VIPR2: variants seen among roughly 807,000 people sequenced by gnomAD.
The protein encoded by VIPR2 is vasoactive intestinal peptide receptor 2.
VIPR2 carries 48 observed loss-of-function variants against 58.0 expected under a neutral mutation model. The observed-to-expected ratio is 0.83, with a 90% CI of 0.66 to 1.05. The LOEUF (loss-of-function observed/expected upper bound fraction) is 1.05. VIPR2 is among the 50% of genes least tolerant of loss of function. The probability of loss-of-function intolerance (pLI) is 0.00; values close to 1 mark genes in which losing one functional copy is unlikely to be tolerated. For missense variants in VIPR2, 534 were observed against 558.0 expected, an observed-to-expected ratio of 0.96 and a Z score of 0.43; for synonymous variants, 243 against 235.2, an observed-to-expected ratio of 1.03 and a Z score of -0.30.
rs2129492677 is a variant in VIPR2 at position 159,031,065 on chromosome 7, C to T, written c.1144-276G>A. 6.6e-6 allele frequency among the ~76,000 whole-genome samples: 1 copy of T among 152,322 alleles called. No individual in the cohort carries two copies. Among genetic ancestry groups the T allele is most frequent in the South Asian group, 2.1e-4 (1 of 4,826 alleles). ...GCCGCGGTAAGCGCAGTCCCACAGT[C>T]TCAGATAGTTAATATTTCTCTGAAA... On this transcript the variant is annotated intron_variant, in intron 12 of 12. Transcript: ENST00000262178. The surrounding 1 kb of genome is among the most constrained non-coding windows in gnomAD (Gnocchi z 4.0).
chr7:159,103,959 AC>A, intron 3 of VIPR2, 105 bp from the exon 4 acceptor site: 1 of 943,880 alleles, frequency 1.1e-6, no homozygotes, highest in Non-Finnish European at 1.6e-6. Context: ...TGCTTCCCAC[AC>A]CCAGGGGTCA....
intron 2 of VIPR2, among the ~76,000 whole-genome samples, chr7:159,111,307 A>C (rs1204269830): frequency 6.6e-6 from 1 of 152,202 alleles, no homozygotes; most frequent in Non-Finnish European, 1.5e-5. Flanking sequence ...TCTCCTATAA[A>C]ACAGCAAGCT....
Position 159,135,027 on chromosome 7 carries a change from TTTTA to T in VIPR2, c.151+7415_151+7418del, listed in dbSNP as rs1318668205. On this transcript the variant is annotated intron_variant, in intron 2 of 12. Transcript: ENST00000262178. ...AAGTTTTTTTTTTTTTTTTTTTTTT[TTTTA>T]ACATTTTAAGTAATTGGCCTAGAAA... Among the ~76,000 whole-genome samples the T allele has an allele frequency of 2.8e-3, 276 of 99,322 alleles. 15 individuals carry two copies. The highest frequency in any genetic ancestry group is 0.02 in the South Asian group (66 of 3,290). 65.2% of individuals were successfully genotyped at this position (99,322 alleles called of 152,430 possible).
intron 5 of VIPR2, 64 bp downstream of exon 5, chr7:159,058,417 A>G (rs1855447284): frequency 6.9e-7 from 1 of 1,446,110 alleles, no homozygotes; most frequent in South Asian, 1.1e-5. Flanking sequence ...GGCGCCTAGA[A>G]GGCCTAAATG....
chr7:159,036,765 G>C lies in VIPR2; in HGVS notation c.735C>G (p.Leu245=). The change falls in exon 7 of 13, where the codon CTC becomes CTG. Residue 245 remains leucine (L), a synonymous_variant. Coordinates refer to ENST00000262178, the MANE Select transcript of VIPR2 (RefSeq NM_003382.5). ...LPPRRCFLAY[L]LIGWGLPTVC... is the part of the protein sequence containing the mutation. Reference sequence around the variant, plus strand: ...GGGCACACTTACCCCATCCGATCAGGAGGTAGGCCAGGAAGCACCTTCTAG... The same window carrying C: ...GGGCACACTTACCCCATCCGATCAGCAGGTAGGCCAGGAAGCACCTTCTAG... 2 of 1,613,502 alleles carry C rather than the reference G, an allele frequency of 1.2e-6. No individual in the cohort carries two copies. Among genetic ancestry groups the C allele is most frequent in the Non-Finnish European group, 1.7e-6 (2 of 1,179,784 alleles).
At chr7:159,065,705 C>G (rs1311420137) in intron 4 of VIPR2, among the ~76,000 whole-genome samples, 2 of 152,182 alleles carry the variant, frequency 1.3e-5, no homozygotes, top group South Asian at 4.1e-4. Context: ...GCACAGGAAA[C>G]GAGAAGACAT....
intron 3 of VIPR2, among the ~76,000 whole-genome samples, chr7:159,105,664 A>G (rs1858602427): frequency 6.6e-6 from 1 of 151,922 alleles, no homozygotes; most frequent in Non-Finnish European, 1.5e-5. Flanking sequence ...CAAGGCCCAC[A>G]CCTCACACAG....
At chr7:159,140,470 A>G (rs1325678390) in intron 2 of VIPR2, among the ~76,000 whole-genome samples, 1 of 152,214 alleles carries the variant, frequency 6.6e-6, no homozygotes. Flanking sequence ...GGCCAGGCTG[A>G]GGCCCCGGCA....
At position 159,030,461 on chromosome 7, in the gene VIPR2, A is replaced by G; in HGVS notation, c.*155T>C. On this transcript the variant is annotated 3_prime_UTR_variant, in exon 13 of 13. Coordinates refer to ENST00000262178, the MANE Select transcript of VIPR2 (RefSeq NM_003382.5). ...TGACAACACGACTCCAATTCCAGGT[A>G]TGGGGTTTAGTGGACAACCAGCTTG... The G allele has an allele frequency of 3.7e-6, 3 of 803,124 alleles. No homozygotes were observed. The highest frequency in any genetic ancestry group is 3.2e-5 in the East Asian group (1 of 31,372). The allele number at this position is 803,124 out of a possible 1,614,324, so 49.7% of individuals were successfully genotyped here.
In VIPR2 at chr7:159,058,475, C is replaced by T; in HGVS notation, c.455+6G>A. 2 of 1,610,520 alleles carry T rather than the reference C, an allele frequency of 1.2e-6. No homozygotes were observed. The highest frequency in any genetic ancestry group is 1.7e-6 in the Non-Finnish European group (2 of 1,177,020). ...CTTTGCAGAATTACTAATTTCTGCTCCTTACCTGAAGAGGCACAGAATTAT... is the reference window on the plus strand; with the variant it reads ...CTTTGCAGAATTACTAATTTCTGCTTCTTACCTGAAGAGGCACAGAATTAT... On this transcript the variant is annotated splice_donor_region_variant and intron_variant, in intron 5 of 12. Transcript: ENST00000262178.
Position 159,098,370 on chromosome 7 carries a change from C to G in VIPR2, c.357+5387G>C, listed in dbSNP as rs180929918. Among the ~76,000 whole-genome samples, 638 of 152,260 alleles carry G rather than the reference C, an allele frequency of 4.2e-3. 2 individuals carry two copies. The highest frequency in any genetic ancestry group is 0.015 in the African/African-American group (613 of 41,562). ...TGGAGGGCAAGGACTGGGGCCATTG[C>G]TCCTTGATACACTGTGGATGAAACC... On this transcript the variant is annotated intron_variant, in intron 4 of 12. Transcript: ENST00000262178. This position sits in a 1 kb window ranked among gnomAD's most constrained non-coding sequence, Gnocchi z 5.2.
Position 159,043,029 on chromosome 7 carries a change from C to T in VIPR2, c.597+6G>A, listed in dbSNP as rs1406140393. The T allele has an allele frequency of 6.2e-7, 1 of 1,613,168 alleles. No homozygotes were observed. Among genetic ancestry groups the T allele is most frequent in the Non-Finnish European group, 8.5e-7 (1 of 1,179,538 alleles). The stretch of plus-strand genomic sequence containing the variant: ...CAGTGGGACCCTGTGGTGGGGACAG[C>T]CTTACCCAGGAGGATGGCTGGTCAG... On this transcript the variant is annotated splice_donor_region_variant and intron_variant, in intron 6 of 12. Transcript: ENST00000262178.
At chr7:159,094,137 G>A (rs1272515304) in intron 4 of VIPR2, among the ~76,000 whole-genome samples, 1 of 152,174 alleles carries the variant, frequency 6.6e-6, no homozygotes, top group African/African-American at 2.4e-5. Flanking sequence ...ATTCTCCACA[G>A]GGGAGGCTCC....
intron 2 of VIPR2, among the ~76,000 whole-genome samples, chr7:159,139,232 ATC>A (rs1460432406): frequency 6.6e-6 from 1 of 152,198 alleles, no homozygotes. Context: ...TTACAATACC[ATC>A]TCTCTCTGTA....
At chr7:159,057,587 T>C (rs1331483374) in intron 5 of VIPR2, among the ~76,000 whole-genome samples, 1 of 152,228 alleles carries the variant, frequency 6.6e-6, no homozygotes, top group African/African-American at 2.4e-5. Context: ...TTATCTGACA[T>C]ACTGGCAAAC....
At chr7:159,100,910 G>T (rs905176315) in intron 4 of VIPR2, among the ~76,000 whole-genome samples, 3 of 149,598 alleles carry the variant, frequency 2.0e-5, no homozygotes, top group Admixed American at 2.0e-4. Flanking sequence ...TCCCCCGACT[G>T]TTCCTGTGGT....
chr7:159,100,882 G>A (rs1184261441), intron 4 of VIPR2, among the ~76,000 whole-genome samples: 1 of 145,384 alleles, frequency 6.9e-6, no homozygotes, highest in Admixed American at 7.0e-5. Context: ...TGGGTCTCAC[G>A]AGATCCGACA....
chr7:159,048,423 G>A (rs1026974829), intron 5 of VIPR2, among the ~76,000 whole-genome samples: 1 of 152,174 alleles, frequency 6.6e-6, no homozygotes, highest in African/African-American at 2.4e-5. Context: ...TGTTTGGACA[G>A]CTAGGTATGT....
rs932146018 is a variant in VIPR2, at chr7:159,029,934, AGGGGGCTACCCTTATGGGACCTG to A, written c.*659_*681del. 1 of 151,884 alleles carries A rather than the reference AGGGGGCTACCCTTATGGGACCTG, an allele frequency of 6.6e-6. No homozygotes were observed. Among genetic ancestry groups the A allele is most frequent in the African/African-American group, 2.4e-5 (1 of 41,300 alleles). 9.4% of individuals were successfully genotyped at this position (151,884 alleles called of 1,614,324 possible). ...CTGGCTTCCCTCTGTCCTGCAGATG[AGGGGGCTACCCTTATGGGACCTG>A]GGAGGCCGCCCTGATGTGGGACGGA... On this transcript the variant is annotated 3_prime_UTR_variant, in exon 13 of 13. Transcript: ENST00000262178.
Sources: gnomAD v4.1 joint callset for allele counts (sites outside exome capture counted in the v4.1 genomes callset) on GRCh38, gnomAD v4.1.1 for gene constraint, Gnocchi (gnomAD v3.1) non-coding constraint, MANE v1.5 for transcripts, NCBI Gene and HGNC (gene_info 2026-07-23, HGNC 2026-07-21) for gene names.